LLGL1: variants seen among roughly 807,000 people sequenced by gnomAD.
LLGL1 encodes LLGL scribble cell polarity complex component 1, also known as lethal(2) giant larvae protein homolog 1.
A neutral mutation model predicts 110.6 loss-of-function variants in LLGL1; 58 were observed. That is an observed-to-expected ratio of 0.52 (90% CI 0.42 to 0.65). The LOEUF is 0.65. LLGL1 is among the 30% of genes least tolerant of loss of function. LLGL1 has a pLI of 0.00. For missense variants in LLGL1, 1,229 were observed against 1,462.1 expected, an observed-to-expected ratio of 0.84 and a Z score of 2.60; for synonymous variants, 674 against 607.2, an observed-to-expected ratio of 1.11 and a Z score of -1.62.
At position 18,237,496 on chromosome 17, in the gene LLGL1, C is replaced by T. The variant is rs781669092; in HGVS notation, c.1627C>T (p.Leu543Phe). 1.9e-6 allele frequency: 3 copies of T among 1,591,096 alleles called. No homozygotes were observed. The highest frequency in any genetic ancestry group is 1.7e-5 in the Admixed American group (1 of 59,310). ...GTGGGCTCAGGTGCTGGTACTGGAG[C>T]TTAGTGATGTGCCGGTGGAGCAGGC... The part of the protein sequence containing the change: ...GTAGQVLVLE[L>F]SDVPVEQAVS... Residue 543 changes from leucine to phenylalanine, a missense_variant, in exon 14 of 23, where the codon CTT (leucine) becomes TTT (phenylalanine). By Grantham distance (22) the Leu-to-Phe change is conservative. Coordinates refer to ENST00000316843, the MANE Select transcript of LLGL1 (RefSeq NM_004140.4).
At chr17:18,226,457 C>T (rs72831922) in intron 1 of LLGL1, among the ~76,000 whole-genome samples, 2 of 152,288 alleles carry the variant, frequency 1.3e-5, no homozygotes, top group Non-Finnish European at 2.9e-5. Flanking sequence ...TGGGAAATCC[C>T]TTCAAGGAGC....
At chr17:18,235,940 C>T (rs567013337) in intron 11 of LLGL1, 1 of 228,194 alleles carries the variant, frequency 4.4e-6, no homozygotes, top group East Asian at 1.2e-4. Context: ...CTGGGACCCT[C>T]AGGCCTCTGA....
intron 18 of LLGL1, 29 bp downstream of exon 18, chr17:18,241,744 T>C (rs1378172084): frequency 6.2e-7 from 1 of 1,609,552 alleles, no homozygotes; most frequent in African/African-American, 1.3e-5. Context: ...CGAGGAGGCC[T>C]TCCTCAGGCG....
chr17:18,240,725 T>C lies in LLGL1; in HGVS notation c.2354T>C (p.Met785Thr). 1 of 1,612,642 alleles carries C rather than the reference T, an allele frequency of 6.2e-7. No individual in the cohort carries two copies. Among genetic ancestry groups the C allele is most frequent in the African/African-American group, 1.3e-5 (1 of 75,006 alleles). The change falls in exon 17 of 23, where the codon ATG (methionine) becomes ACG (threonine). Residue 785 changes from methionine to threonine, a missense_variant. Transcript: ENST00000316843. This position sits in a 1 kb window ranked among gnomAD's most constrained non-coding sequence, Gnocchi z 5.3. ...GTGCTGGGCAAGGAGGTGCAGCTGA[T>C]GCACCGGGCGCCTGTGGTGGCCATT... is the stretch of plus-strand genomic sequence containing the variant. The part of the protein sequence containing the change: ...EAVLGKEVQL[M>T]HRAPVVAIAV...
Position 18,238,161 on chromosome 17 carries a change from A to G in LLGL1, c.1999A>G (p.Ile667Val), listed in dbSNP as rs147834323. ...GTCACTGCGCCAGTCTTTCCGGCGC[A>G]TTCGCAAGAGTCGTGTCTCTGGCAA... The part of the protein sequence containing the change: ...KKSLRQSFRR[I>V]RKSRVSGKKR... The change falls in exon 15 of 23, where the codon ATT (isoleucine) becomes GTT (valine). Residue 667 changes from isoleucine to valine, a missense_variant. Ile to Val is a conservative substitution (Grantham distance 29). Transcript: ENST00000316843. 5 of 1,613,480 alleles carry G rather than the reference A, an allele frequency of 3.1e-6. No homozygotes were observed. The African/African-American group carries it at 6.7e-5, about 21-fold the overall frequency.
At chr17:18,237,080 G>A (rs926359982) in intron 13 of LLGL1, 141 bp downstream of exon 13, 16 of 719,910 alleles carry the variant, frequency 2.2e-5, no homozygotes, top group African/African-American at 3.5e-5. Flanking sequence ...GGGCTGGCTG[G>A]GGTGAGGACA....
chr17:18,226,803 C>G (rs2047454031), intron 1 of LLGL1, among the ~76,000 whole-genome samples: 1 of 152,252 alleles, frequency 6.6e-6, no homozygotes, highest in Admixed American at 6.5e-5. Flanking sequence ...GGCCTCAGCC[C>G]ACTCCTGGCT....
In LLGL1 at chr17:18,225,773, C is replaced by CGGCCCG. The variant is rs766138503; in HGVS notation, c.81+20_81+25dup. The CGGCCCG allele has an allele frequency of 6.0e-4, 543 of 904,150 alleles. No individual in the cohort carries two copies. The highest frequency in any genetic ancestry group is 1.3e-3 in the Admixed American group (21 of 16,620). The allele number at this position is 904,150 out of a possible 1,614,324, so 56.0% of individuals were successfully genotyped here. Reference sequence around the variant, plus strand: ...TTTCGCCTTCAACAAGGTGCGGCGGCGGCCCGGGCCCGGGCTCGGGCGGGA... The same window carrying CGGCCCG: ...TTTCGCCTTCAACAAGGTGCGGCGGCGGCCCGGGCCCGGGCCCGGGCTCGGGCGGGA... On this transcript the variant is annotated intron_variant, in intron 1 of 22. Coordinates refer to ENST00000316843, the MANE Select transcript of LLGL1 (RefSeq NM_004140.4).
chr17:18,235,132 G>A lies in LLGL1; in HGVS notation c.1104G>A (p.Glu368=), dbSNP rs759647124. 6.2e-7 allele frequency: 1 copy of A among 1,613,796 alleles called. No individual in the cohort carries two copies. The highest frequency in any genetic ancestry group is 1.1e-5 in the South Asian group (1 of 91,084). The change falls in exon 10 of 23, where the codon GAG becomes GAA. Residue 368 remains glutamate (E), a synonymous_variant. Coordinates refer to ENST00000316843, the MANE Select transcript of LLGL1 (RefSeq NM_004140.4). ...CCCTGGCTGTGCTGCTGGAAGAGGA[G>A]CTGGTGGTGCTGGACCTGCAGACTC... ...PQALAVLLEE[E]LVVLDLQTPG... is the part of the protein sequence containing the mutation.
intron 1 of LLGL1, 135 bp from the exon 2 acceptor site, chr17:18,229,806 G>A: frequency 4.7e-6 from 3 of 636,244 alleles, no homozygotes; most frequent in East Asian, 2.7e-5. Context: ...CTGAGGCACA[G>A]AGCAAGTAGA....
chr17:18,234,749 G>A (rs758392412), intron 8 of LLGL1, 46 bp downstream of exon 8: 1 of 1,613,896 alleles, frequency 6.2e-7, no homozygotes, highest in East Asian at 2.2e-5. Flanking sequence ...GTCTGGCTAG[G>A]GGGCTGGAAG....
chr17:18,236,403 G>A, intron 11 of LLGL1: 1 of 573,056 alleles, frequency 1.7e-6, no homozygotes, highest in South Asian at 2.3e-5. Flanking sequence ...GGTGCATATG[G>A]TGCATGTGGC....
intron 1 of LLGL1, among the ~76,000 whole-genome samples, chr17:18,226,219 C>T (rs889513143): frequency 2.0e-5 from 3 of 152,094 alleles, no homozygotes; most frequent in African/African-American, 7.2e-5. Context: ...GCTGCCTGTG[C>T]GTCTCTGAGT....
intron 1 of LLGL1, 87 bp downstream of exon 1, chr17:18,225,850 GC>G (rs2047425403): frequency 2.1e-6 from 1 of 473,954 alleles, no homozygotes; most frequent in Admixed American, 6.6e-5. Context: ...GCCACGTCGG[GC>G]CCGGGGGGCG....
intron 4 of LLGL1, among the ~76,000 whole-genome samples, chr17:18,233,037 A>G (rs1303769890): frequency 6.6e-6 from 1 of 152,206 alleles, no homozygotes; most frequent in Non-Finnish European, 1.5e-5. Context: ...GGTAATTAAC[A>G]TTGTGAGCAG....
chr17:18,242,163 C>T lies in LLGL1; in HGVS notation c.2883-3C>T. 5.6e-6 allele frequency: 9 copies of T among 1,611,610 alleles called. No homozygotes were observed. Among genetic ancestry groups the T allele is most frequent in the Non-Finnish European group, 7.6e-6 (9 of 1,177,810 alleles). ...GGTCCCCATCATGGCCCCATCTCTGCAGTTACAGGATCCGAGAGTCACCCA... is the reference window on the plus strand; with the variant it reads ...GGTCCCCATCATGGCCCCATCTCTGTAGTTACAGGATCCGAGAGTCACCCA... On this transcript the variant is annotated splice_region_variant and splice_polypyrimidine_tract_variant and intron_variant, in intron 19 of 22. Transcript: ENST00000316843.
intron 1 of LLGL1, among the ~76,000 whole-genome samples, chr17:18,229,711 C>T (rs928365389): frequency 1.3e-5 from 2 of 152,280 alleles, no homozygotes; most frequent in Middle Eastern, 3.4e-3. Context: ...GGACTATGCA[C>T]GCGGTACAGT....
Position 18,241,675 on chromosome 17 carries a change from C to G in LLGL1, c.2727C>G (p.Ile909Met). 6.2e-7 allele frequency: 1 copy of G among 1,613,658 alleles called. No individual in the cohort carries two copies. The highest frequency in any genetic ancestry group is 8.5e-7 in the Non-Finnish European group (1 of 1,180,002). Residue 909 changes from isoleucine (I) to methionine (M), a missense_variant, in exon 18 of 23, where the codon ATC becomes ATG. Ile to Met is a conservative substitution (Grantham distance 10, BLOSUM62 1). Transcript: ENST00000316843. ...ATTCCTGCATCCGGAAGGAGGACAT[C>G]AGCGGCATCGCTTCGTGCGTCTTTA... ...VHYSCIRKED[I>M]SGIASCVFTR...
chr17:18,233,916 C>T lies in LLGL1; in HGVS notation c.531C>T (p.Ala177=), dbSNP rs1257176122. The change falls in exon 5 of 23, where the codon GCC becomes GCT. Residue 177 remains alanine (A), a synonymous_variant. Transcript: ENST00000316843. ...TLTLLEGQTL[A]PGEVLRSVPD... is the part of the protein sequence containing the mutation. ...CCCTGCTCGAGGGGCAGACGCTTGCCCCAGGCGAGGTTCTGCGCAGGTAAG... is the reference window on the plus strand; with the variant it reads ...CCCTGCTCGAGGGGCAGACGCTTGCTCCAGGCGAGGTTCTGCGCAGGTAAG... 2 of 1,612,920 alleles carry T rather than the reference C, an allele frequency of 1.2e-6. No individual in the cohort carries two copies. Among genetic ancestry groups the T allele is most frequent in the Admixed American group, 1.7e-5 (1 of 60,006 alleles).
Sources: allele counts gnomAD v4.1 joint callset (sites outside exome capture counted in the v4.1 genomes callset), GRCh38; gene constraint gnomAD v4.1.1; non-coding constraint Gnocchi (gnomAD v3.1); transcripts MANE v1.5; gene names NCBI Gene and HGNC (gene_info 2026-07-23, HGNC 2026-07-21).